The following KAT2B variants were observed in gnomAD, a reference collection of about 807,000 sequenced individuals.
KAT2B encodes the protein lysine acetyltransferase 2B, also known as histone acetyltransferase KAT2B.
A neutral mutation model predicts 105.9 loss-of-function variants in KAT2B; 36 were observed. The observed-to-expected ratio is 0.34, with a 90% CI of 0.26 to 0.45. KAT2B has a LOEUF of 0.45. KAT2B is among the 20% of genes least tolerant of loss of function. The probability of loss-of-function intolerance (pLI) is 1.00; values close to 1 mark genes in which losing one functional copy is unlikely to be tolerated. For synonymous variants in KAT2B, 397 were observed against 377.9 expected (o/e 1.05, Z -0.59); for missense variants, 820 against 1,021.6 (o/e 0.80, Z 2.69).
intron 1 of KAT2B, among the ~76,000 whole-genome samples, chr3:20,046,102 A>G: frequency 6.6e-6 from 1 of 152,234 alleles, no homozygotes; most frequent in East Asian, 1.9e-4. Context: ...AAGTGTCCCC[A>G]GAATTCCTAG....
intron 2 of KAT2B, among the ~76,000 whole-genome samples, chr3:20,076,659 CT>C (rs1463457320): frequency 6.6e-6 from 1 of 152,204 alleles, no homozygotes; most frequent in Non-Finnish European, 1.5e-5. Context: ...TTTGTTGTAT[CT>C]AACCCCCTGC....
At chr3:20,061,307 CCTTT>C (rs1698096131) in intron 1 of KAT2B, among the ~76,000 whole-genome samples, 1 of 152,048 alleles carries the variant, frequency 6.6e-6, no homozygotes, top group Admixed American at 6.6e-5. Context: ...GTCAGAGTTG[CCTTT>C]CTTTTTAAGG....
intron 4 of KAT2B, among the ~76,000 whole-genome samples, chr3:20,100,224 A>G (rs1237964411): frequency 6.6e-6 from 1 of 152,214 alleles, no homozygotes; most frequent in Non-Finnish European, 1.5e-5. Context: ...GTAGTTTGTA[A>G]GAAGAACACA....
chr3:20,085,511 C>CTT (rs11346744), intron 2 of KAT2B, among the ~76,000 whole-genome samples: 4 of 137,636 alleles, frequency 2.9e-5, no homozygotes, highest in Admixed American at 2.1e-4. Context: ...TTCTTTCTTT[C>CTT]TTTTTTTTTT....
intron 2 of KAT2B, among the ~76,000 whole-genome samples, chr3:20,074,266 T>C (rs1227111857): frequency 1.3e-5 from 2 of 152,202 alleles, no homozygotes; most frequent in African/African-American, 2.4e-5. Flanking sequence ...TAGGAGATGA[T>C]TGTGAAGAAA....
rs1215748161 is a variant in KAT2B, at chr3:20,153,616, A to G, written c.*1091A>G. The stretch of plus-strand genomic sequence containing the variant: ...CCCCTAAAATCCATCATGCAACCTT[A>G]TTAATCTGTCTTGGGATTCCAGTTT... On this transcript the variant is annotated 3_prime_UTR_variant, in exon 18 of 18. Coordinates refer to ENST00000263754, the MANE Select transcript of KAT2B (RefSeq NM_003884.5). The G allele has an allele frequency of 6.6e-6, 1 of 152,602 alleles. No homozygotes were observed. Among genetic ancestry groups the G allele is most frequent in the Admixed American group, 6.5e-5 (1 of 15,280 alleles). 9.5% of individuals were successfully genotyped at this position (152,602 alleles called of 1,614,324 possible).
At chr3:20,064,209 G>A (rs1698187328) in intron 1 of KAT2B, among the ~76,000 whole-genome samples, 1 of 152,086 alleles carries the variant, frequency 6.6e-6, no homozygotes, top group African/African-American at 2.4e-5. Context: ...AACTTATTTT[G>A]TGTTTAATTG....
At chr3:20,062,261 TATATA>T (rs1173678397) in intron 1 of KAT2B, among the ~76,000 whole-genome samples, 5,824 of 59,216 alleles carry the variant, frequency 0.098, 500 homozygotes, top group Non-Finnish European at 0.14. Context: ...TAAAATATGA[TATATA>T]ATATATAATA....
chr3:20,109,778 A>G lies in KAT2B; in HGVS notation c.852-1818A>G, dbSNP rs557378265. Among the ~76,000 whole-genome samples the G allele has an allele frequency of 2.1e-3, 320 of 152,336 alleles. 1 individual carries two copies. The highest frequency in any genetic ancestry group is 7.6e-3 in the African/African-American group (316 of 41,578). ...GCTACCAAGATCACTGTTTCAGACA[A>G]AAGACAACATTAACACTTAAGATAC... is the stretch of plus-strand genomic sequence containing the variant. On this transcript the variant is annotated intron_variant, in intron 5 of 17. Transcript: ENST00000263754.
In KAT2B at chr3:20,148,702, A is replaced by G. The variant is rs1699818830; in HGVS notation, c.2305+215A>G. ...TCTGCAGCTGTCGTTTAGAGCCCAC[A>G]TGAGCTTAACGACACTAGACGCAGA... On this transcript the variant is annotated intron_variant, in intron 17 of 17. Coordinates refer to ENST00000263754, the MANE Select transcript of KAT2B (RefSeq NM_003884.5). 2.8e-5 allele frequency: 13 copies of G among 464,224 alleles called. No individual in the cohort carries two copies. In the South Asian group the frequency reaches 3.6e-4, roughly 13 times the overall value. 28.8% of individuals were successfully genotyped at this position (464,224 alleles called of 1,614,324 possible). A position where few individuals can be genotyped will look rare whatever the true frequency, so the allele number is the denominator to read the frequency against.
intron 2 of KAT2B, among the ~76,000 whole-genome samples, chr3:20,081,076 C>T (rs1020057753): frequency 2.6e-5 from 4 of 152,108 alleles, no homozygotes; most frequent in African/African-American, 7.2e-5. Flanking sequence ...GCCTTTTGCA[C>T]ATTAGTCAAT....
intron 2 of KAT2B, among the ~76,000 whole-genome samples, 198 bp downstream of exon 2, chr3:20,072,657 C>G (rs1405495114): frequency 6.6e-6 from 1 of 152,182 alleles, no homozygotes; most frequent in Non-Finnish European, 1.5e-5. Flanking sequence ...TGTGCAGTGA[C>G]TTTGTCCCTT....
At chr3:20,100,992 G>A in intron 4 of KAT2B, 1 of 376,548 alleles carries the variant, frequency 2.7e-6, no homozygotes, top group Non-Finnish European at 4.8e-6. Flanking sequence ...CTTGTTTCAG[G>A]GGTTTTGACC....
intron 9 of KAT2B, 36 bp downstream of exon 9, chr3:20,122,840 C>T: frequency 1.9e-6 from 3 of 1,584,908 alleles, no homozygotes; most frequent in Middle Eastern, 2.0e-4. Flanking sequence ...AGCTGGTAGA[C>T]CTCTTCTGCT....
intron 1 of KAT2B, among the ~76,000 whole-genome samples, chr3:20,067,841 A>G (rs941550828): frequency 2.7e-5 from 4 of 149,238 alleles, no homozygotes; most frequent in African/African-American, 4.9e-5. Context: ...CACCTGGCTA[A>G]TTTTTGTATT....
intron 1 of KAT2B, among the ~76,000 whole-genome samples, chr3:20,052,858 C>G (rs973676765): frequency 6.6e-6 from 1 of 152,120 alleles, no homozygotes; most frequent in Non-Finnish European, 1.5e-5. Context: ...TGCCTGTAAT[C>G]CCAGCTATTC....
chr3:20,101,100 C>T, intron 4 of KAT2B, 187 bp from the exon 5 acceptor site: 1 of 553,026 alleles, frequency 1.8e-6, no homozygotes, highest in East Asian at 2.9e-5. Context: ...ACTTTTCATC[C>T]ACCGTGATCT....
At chr3:20,073,068 T>C (rs1289819512) in intron 2 of KAT2B, among the ~76,000 whole-genome samples, 2 of 152,200 alleles carry the variant, frequency 1.3e-5, no homozygotes, top group African/African-American at 4.8e-5. Flanking sequence ...TCAAAAGGCC[T>C]GTGCTAGTAT....
chr3:20,042,283 T>A (rs929199694), intron 1 of KAT2B, among the ~76,000 whole-genome samples: 1 of 152,222 alleles, frequency 6.6e-6, no homozygotes, highest in African/African-American at 2.4e-5. Flanking sequence ...TGTGGTTATT[T>A]CTGAAGAAGG....
Sources: gnomAD v4.1 joint callset for allele counts (sites outside exome capture counted in the v4.1 genomes callset) on GRCh38, gnomAD v4.1.1 for gene constraint, MANE v1.5 for transcripts, NCBI Gene and HGNC (gene_info 2026-07-23, HGNC 2026-07-21) for gene names.